The following CNTNAP2 variants were observed in gnomAD, a reference collection of about 807,000 sequenced individuals.
CNTNAP2 encodes the protein contactin-associated protein-like 2.
In CNTNAP2, 98 loss-of-function variants were observed where a neutral mutation model predicts 155.2. The observed-to-expected ratio is 0.63, with a 90% CI of 0.54 to 0.75. The LOEUF is 0.75. Ranked by LOEUF, CNTNAP2 falls within the 30% of genes least tolerant of loss-of-function variation. The pLI is 0.00. For synonymous variants in CNTNAP2, 651 were observed against 631.2 expected (o/e 1.03, Z -0.47); for missense variants, 1,727 against 1,688.1 (o/e 1.02, Z -0.40).
At chr7:147,553,018 G>A (rs181705576) in intron 11 of CNTNAP2, among the ~76,000 whole-genome samples, 1 of 152,284 alleles carries the variant, frequency 6.6e-6, no homozygotes, top group Admixed American at 6.5e-5. Context: ...GTTTCCATGA[G>A]GAGTCAGCCA....
chr7:147,839,948 A>G (rs140230139), intron 13 of CNTNAP2, among the ~76,000 whole-genome samples: 265 of 152,004 alleles, frequency 1.7e-3, no homozygotes, highest in African/African-American at 6.2e-3. Context: ...ATACACACAC[A>G]CACACACATA....
Position 146,395,820 on chromosome 7 carries a change from GAT to G in CNTNAP2, c.97+278849_97+278850del, listed in dbSNP as rs1256254611. Among the ~76,000 whole-genome samples the G allele has an allele frequency of 5.7e-3, 777 of 137,412 alleles. 5 individuals are homozygous for G. Among genetic ancestry groups the G allele is most frequent in the African/African-American group, 0.02 (642 of 31,384 alleles). The allele number at this position is 137,412 out of a possible 152,430, so 90.1% of individuals were successfully genotyped here. A position where few individuals can be genotyped will look rare whatever the true frequency, so the allele number is the denominator to read the frequency against. On this transcript the variant is annotated intron_variant, in intron 1 of 23. Coordinates refer to ENST00000361727, the MANE Select transcript of CNTNAP2 (RefSeq NM_014141.6). ...AGATAGATAGATAGATAGATAGATA[GAT>G]AGAGGAGAGAGAGAGAGAGAGAGAG...
intron 1 of CNTNAP2, among the ~76,000 whole-genome samples, chr7:146,726,132 T>A (rs1253117757): frequency 6.6e-6 from 1 of 152,124 alleles, no homozygotes; most frequent in Non-Finnish European, 1.5e-5. Flanking sequence ...AATAGGCATC[T>A]TTTTTAACAT....
chr7:147,244,865 T>C (rs1192511888), intron 8 of CNTNAP2, among the ~76,000 whole-genome samples: 1 of 152,230 alleles, frequency 6.6e-6, no homozygotes, highest in East Asian at 1.9e-4. Context: ...TAGAAGATAC[T>C]TATTTCTTAG....
intron 8 of CNTNAP2, among the ~76,000 whole-genome samples, chr7:147,277,700 T>C (rs572357784): frequency 1.3e-5 from 2 of 151,986 alleles, no homozygotes; most frequent in Non-Finnish European, 2.9e-5. Flanking sequence ...AGCTGCTATA[T>C]TCATCCTCCC....
At chr7:146,494,404 T>G (rs946287322) in intron 1 of CNTNAP2, among the ~76,000 whole-genome samples, 2 of 151,908 alleles carry the variant, frequency 1.3e-5, no homozygotes, top group Non-Finnish European at 2.9e-5. Flanking sequence ...AGTAAAATAC[T>G]AAAAGTTATG....
chr7:148,398,609 T>C (rs1037097482), intron 22 of CNTNAP2, among the ~76,000 whole-genome samples: 1 of 152,184 alleles, frequency 6.6e-6, no homozygotes, highest in South Asian at 2.1e-4. Flanking sequence ...CATCCTTGCT[T>C]GAGTCCTAAA....
chr7:147,463,239 G>T (rs1458486528), intron 10 of CNTNAP2, among the ~76,000 whole-genome samples: 1 of 152,174 alleles, frequency 6.6e-6, no homozygotes, highest in Admixed American at 6.5e-5. Context: ...CCTTTGGAAA[G>T]CTGTTTAATA....
At chr7:146,137,863 T>C (rs949422657) in intron 1 of CNTNAP2, among the ~76,000 whole-genome samples, 4 of 151,862 alleles carry the variant, frequency 2.6e-5, no homozygotes, top group African/African-American at 9.7e-5. Context: ...AAAATAAACA[T>C]GTAGAAAAGA....
intron 1 of CNTNAP2, among the ~76,000 whole-genome samples, chr7:146,454,726 G>A (rs956380109): frequency 3.3e-5 from 5 of 151,892 alleles, no homozygotes; most frequent in African/African-American, 1.2e-4. Context: ...ACCAAAATAA[G>A]AGAGATAGAT....
intron 15 of CNTNAP2, among the ~76,000 whole-genome samples, chr7:148,004,145 T>C (rs575794930): frequency 6.6e-6 from 1 of 152,204 alleles, no homozygotes; most frequent in African/African-American, 2.4e-5. Context: ...GTATACAAAA[T>C]CTTTCTGCAT....
At chr7:147,352,359 T>C (rs1339710326) in intron 9 of CNTNAP2, among the ~76,000 whole-genome samples, 3 of 152,002 alleles carry the variant, frequency 2.0e-5, no homozygotes, top group Middle Eastern at 3.2e-3. Context: ...GGACTAATAA[T>C]GTACACTTCA....
intron 2 of CNTNAP2, among the ~76,000 whole-genome samples, chr7:146,823,645 C>T (rs1331670709): frequency 6.6e-6 from 1 of 151,106 alleles, no homozygotes; most frequent in Non-Finnish European, 1.5e-5. Context: ...TATACTCATT[C>T]TTCAGTATAT....
intron 1 of CNTNAP2, among the ~76,000 whole-genome samples, chr7:146,318,961 T>A (rs1215171136): frequency 2.0e-5 from 3 of 152,140 alleles, no homozygotes; most frequent in African/African-American, 7.2e-5. Flanking sequence ...GAGACAGATA[T>A]CTCTTCTATT....
chr7:147,056,169 T>C (rs531094184), intron 4 of CNTNAP2, among the ~76,000 whole-genome samples: 52 of 152,286 alleles, frequency 3.4e-4, no homozygotes, highest in African/African-American at 1.3e-3. Flanking sequence ...TTCCCTGTTA[T>C]CAGAACAGAA....
At chr7:146,469,618 G>A (rs1796765033) in intron 1 of CNTNAP2, among the ~76,000 whole-genome samples, 1 of 149,346 alleles carries the variant, frequency 6.7e-6, no homozygotes, top group African/African-American at 2.5e-5. Flanking sequence ...TGCTTTTTTG[G>A]TTCAAATGAT....
chr7:146,371,176 TC>T (rs1448671417), intron 1 of CNTNAP2, among the ~76,000 whole-genome samples: 1 of 151,980 alleles, frequency 6.6e-6, no homozygotes, highest in Non-Finnish European at 1.5e-5. Context: ...TGCTATTTCA[TC>T]TTTTTTGCCT....
At chr7:147,640,641 G>A (rs1256366040) in intron 13 of CNTNAP2, among the ~76,000 whole-genome samples, 1 of 152,150 alleles carries the variant, frequency 6.6e-6, no homozygotes, top group Non-Finnish European at 1.5e-5. Flanking sequence ...GATGACTGAA[G>A]GAACACCAAG....
intron 4 of CNTNAP2, among the ~76,000 whole-genome samples, chr7:147,045,417 G>A (rs770009030): frequency 6.6e-6 from 1 of 152,158 alleles, no homozygotes; most frequent in South Asian, 2.1e-4. Flanking sequence ...CCCGAATACT[G>A]TCTTATTAAT....
Sources: allele counts gnomAD v4.1 joint callset (sites outside exome capture counted in the v4.1 genomes callset), GRCh38; gene constraint gnomAD v4.1.1; transcripts MANE v1.5; gene names NCBI Gene and HGNC (gene_info 2026-07-23, HGNC 2026-07-21).